Variants in SLC2A13 observed in about 807,000 individuals in gnomAD.
SLC2A13 encodes proton myo-inositol cotransporter.
SLC2A13 carries 32 observed loss-of-function variants against 64.4 expected under a neutral mutation model. The ratio of observed to expected loss-of-function variants is 0.50; its 90% CI spans 0.37 to 0.67. SLC2A13 has a LOEUF of 0.67. SLC2A13 is among the 30% of genes least tolerant of loss of function. SLC2A13 has a pLI of 0.00. For synonymous variants in SLC2A13, 338 were observed against 327.1 expected (o/e 1.03, Z -0.36); for missense variants, 743 against 829.2 (o/e 0.90, Z 1.28).
chr12:39,790,324 C>A (rs1371641695), intron 7 of SLC2A13, among the ~76,000 whole-genome samples: 2 of 150,408 alleles, frequency 1.3e-5, no homozygotes, highest in Non-Finnish European at 3.0e-5. Flanking sequence ...CACCCACTAA[C>A]GCGTCATCTA....
chr12:39,781,333 C>T (rs1279057463), intron 7 of SLC2A13, among the ~76,000 whole-genome samples: 1 of 152,096 alleles, frequency 6.6e-6, no homozygotes, highest in Non-Finnish European at 1.5e-5. Context: ...TACTGTCACA[C>T]CCAGTCTCCT....
At chr12:39,892,953 C>T (rs1944648754) in intron 4 of SLC2A13, among the ~76,000 whole-genome samples, 1 of 152,082 alleles carries the variant, frequency 6.6e-6, no homozygotes, top group Non-Finnish European at 1.5e-5. Context: ...ATTAATTTAT[C>T]AAACCATATA....
chr12:40,022,763 A>G (rs979990566), intron 3 of SLC2A13, among the ~76,000 whole-genome samples: 3 of 152,066 alleles, frequency 2.0e-5, no homozygotes, highest in African/African-American at 4.8e-5. Context: ...ACTTGAACCC[A>G]GGAGGCAGAG....
intron 7 of SLC2A13, among the ~76,000 whole-genome samples, chr12:39,792,821 A>G (rs1380990015): frequency 2.7e-5 from 4 of 150,562 alleles, no homozygotes; most frequent in Admixed American, 6.6e-5. Context: ...AAAACCCCAC[A>G]TAAAAGTGGA....
At chr12:39,815,613 A>C (rs976370363) in intron 7 of SLC2A13, among the ~76,000 whole-genome samples, 1 of 152,216 alleles carries the variant, frequency 6.6e-6, no homozygotes, top group Non-Finnish European at 1.5e-5. Flanking sequence ...GTAAGAGGCG[A>C]ACGGGGATAA....
intron 4 of SLC2A13, among the ~76,000 whole-genome samples, chr12:39,931,674 A>G (rs1328568684): frequency 3.9e-5 from 6 of 152,310 alleles, no homozygotes; most frequent in African/African-American, 7.2e-5. Flanking sequence ...CACTATTGGA[A>G]AATGATTCCC....
At chr12:39,947,933 T>C (rs1946166645) in intron 4 of SLC2A13, among the ~76,000 whole-genome samples, 1 of 152,162 alleles carries the variant, frequency 6.6e-6, no homozygotes, top group African/African-American at 2.4e-5. Flanking sequence ...GTGCTGGAAT[T>C]ACAGGCATGA....
intron 4 of SLC2A13, among the ~76,000 whole-genome samples, chr12:39,926,639 A>T (rs1945735512): frequency 1.3e-5 from 2 of 152,114 alleles, no homozygotes; most frequent in East Asian, 3.9e-4. Context: ...TTTTCCAGGC[A>T]GGGTCTCAGT....
At chr12:39,823,608 G>A (rs1942583990) in intron 7 of SLC2A13, among the ~76,000 whole-genome samples, 1 of 143,646 alleles carries the variant, frequency 7.0e-6, no homozygotes, top group South Asian at 2.2e-4. Context: ...CTTTAGCCAG[G>A]ATGATGATGA....
chr12:39,781,785 G>A (rs1483945867), intron 7 of SLC2A13, among the ~76,000 whole-genome samples: 1 of 152,210 alleles, frequency 6.6e-6, no homozygotes, highest in African/African-American at 2.4e-5. Flanking sequence ...TTTAGAATGG[G>A]TGGAAAGGAT....
chr12:39,775,615 T>C (rs1039326609), intron 7 of SLC2A13, among the ~76,000 whole-genome samples: 7 of 152,242 alleles, frequency 4.6e-5, no homozygotes, highest in Admixed American at 1.3e-4. Flanking sequence ...AGCCTGGCCA[T>C]GGCCTACTTC....
chr12:39,833,263 A>G (rs1045366715), intron 6 of SLC2A13, among the ~76,000 whole-genome samples: 3 of 152,104 alleles, frequency 2.0e-5, no homozygotes, highest in East Asian at 1.9e-4. Flanking sequence ...AAAGCTGAAA[A>G]TATTTCCTAT....
At chr12:39,846,293 T>G (rs2135884690) in intron 6 of SLC2A13, among the ~76,000 whole-genome samples, 1 of 152,236 alleles carries the variant, frequency 6.6e-6, no homozygotes, top group South Asian at 2.1e-4. Flanking sequence ...AAAGGGTACA[T>G]TACACCCTCC....
At chr12:39,761,710 A>C (rs1940155067) in intron 9 of SLC2A13, among the ~76,000 whole-genome samples, 1 of 152,058 alleles carries the variant, frequency 6.6e-6, no homozygotes, top group African/African-American at 2.4e-5. Context: ...AGAGAAATGG[A>C]ATCTTTAGCA....
intron 3 of SLC2A13, among the ~76,000 whole-genome samples, chr12:39,951,637 AC>A (rs1330693171): frequency 1.3e-5 from 2 of 152,218 alleles, no homozygotes; most frequent in Non-Finnish European, 2.9e-5. Flanking sequence ...GACCTATATA[AC>A]TAAAACTGTC....
intron 6 of SLC2A13, among the ~76,000 whole-genome samples, chr12:39,832,609 T>A (rs1445165032): frequency 6.6e-6 from 1 of 152,238 alleles, no homozygotes; most frequent in African/African-American, 2.4e-5. Context: ...CCACACACTA[T>A]GCTAGGTGCT....
At chr12:39,788,129 T>C (rs1592137978) in intron 7 of SLC2A13, among the ~76,000 whole-genome samples, 1 of 152,164 alleles carries the variant, frequency 6.6e-6, no homozygotes, top group South Asian at 2.1e-4. Context: ...GTTGTTCACC[T>C]TTATATGTGA....
chr12:39,822,926 TAAATTACTCAG>T (rs1427636328), intron 7 of SLC2A13, among the ~76,000 whole-genome samples: 2 of 152,220 alleles, frequency 1.3e-5, no homozygotes, highest in African/African-American at 4.8e-5. Flanking sequence ...ACGAGGGAGA[TAAATTACTCAG>T]AAGTGTTTTG....
At chr12:39,888,835 G>A (rs1268407856) in intron 4 of SLC2A13, among the ~76,000 whole-genome samples, 1 of 152,044 alleles carries the variant, frequency 6.6e-6, no homozygotes, top group Non-Finnish European at 1.5e-5. Flanking sequence ...ACTCTATATT[G>A]TGACACATAC....
Sources: gnomAD v4.1 joint callset for allele counts (sites outside exome capture counted in the v4.1 genomes callset) on GRCh38, gnomAD v4.1.1 for gene constraint, MANE v1.5 for transcripts, NCBI Gene and HGNC (gene_info 2026-07-23, HGNC 2026-07-21) for gene names.